COL8A1: variants seen among roughly 807,000 people sequenced by gnomAD.
COL8A1 encodes the protein collagen alpha-1(VIII) chain.
A neutral mutation model predicts 42.7 loss-of-function variants in COL8A1; 21 were observed. The ratio of observed to expected loss-of-function variants is 0.49; its 90% CI spans 0.35 to 0.71. The LOEUF is 0.71. COL8A1 is among the 30% of genes least tolerant of loss of function. COL8A1 has a pLI of 0.01. For synonymous variants in COL8A1, 367 were observed against 369.1 expected (o/e 0.99, Z 0.06); for missense variants, 788 against 962.4 (o/e 0.82, Z 2.40).
intron 2 of COL8A1, among the ~76,000 whole-genome samples, chr3:99,764,701 C>CTTTTTTT (rs10648559): frequency 4.0e-5 from 5 of 125,052 alleles, no homozygotes; most frequent in Non-Finnish European, 4.8e-5. Context: ...TCTTTTTTTT[C>CTTTTTTT]TTTTTTTTTT....
chr3:99,730,144 A>C (rs1940458619), intron 1 of COL8A1, among the ~76,000 whole-genome samples: 1 of 152,118 alleles, frequency 6.6e-6, no homozygotes, highest in African/African-American at 2.4e-5. Flanking sequence ...AAAGAATAGA[A>C]TCTTTATTTC....
chr3:99,758,862 C>G (rs1453420291), intron 2 of COL8A1, among the ~76,000 whole-genome samples: 11 of 152,034 alleles, frequency 7.2e-5, no homozygotes, highest in African/African-American at 2.7e-4. Context: ...TTAGTGAATT[C>G]AAAACAATTA....
chr3:99,671,992 CTTCA>C (rs1345852358), intron 1 of COL8A1, among the ~76,000 whole-genome samples: 1 of 152,046 alleles, frequency 6.6e-6, no homozygotes, highest in Non-Finnish European at 1.5e-5. Flanking sequence ...TGTTTGGAAA[CTTCA>C]TTCAATTTTA....
chr3:99,739,855 A>G (rs1940848890), intron 1 of COL8A1, among the ~76,000 whole-genome samples: 1 of 152,240 alleles, frequency 6.6e-6, no homozygotes, highest in Non-Finnish European at 1.5e-5. Flanking sequence ...AAATTTCTGC[A>G]GCAGGCTTGA....
At chr3:99,734,242 A>T (rs111997704) in intron 1 of COL8A1, among the ~76,000 whole-genome samples, 1 of 124,420 alleles carries the variant, frequency 8.0e-6, no homozygotes, top group Admixed American at 7.4e-5. Flanking sequence ...TGTCCTGAAT[A>T]GTATTGCCTA....
chr3:99,729,796 A>G (rs972412330), intron 1 of COL8A1, among the ~76,000 whole-genome samples: 7 of 152,056 alleles, frequency 4.6e-5, no homozygotes, highest in Non-Finnish European at 1.0e-4. Context: ...CATGATAAGA[A>G]GCATGAAACC....
intron 2 of COL8A1, among the ~76,000 whole-genome samples, chr3:99,779,945 G>A (rs1044792090): frequency 3.9e-5 from 6 of 152,128 alleles, no homozygotes; most frequent in Middle Eastern, 3.2e-3. Flanking sequence ...CCTAGTTTTC[G>A]AAACAGGTCT....
Position 99,652,876 on chromosome 3 carries a change from C to T in COL8A1, c.-129+14212C>T, listed in dbSNP as rs142092355. Among the ~76,000 whole-genome samples, 8 of 152,220 alleles carry T rather than the reference C, an allele frequency of 5.3e-5. No individual in the cohort carries two copies. The East Asian group carries it at 1.5e-3, about 29-fold the overall frequency. ...AATGCCCAAATGTGTGTAATTTATG[C>T]AGACAAAATAAAATACCTTAAATTA... On this transcript the variant is annotated intron_variant, in intron 1 of 3. Coordinates refer to ENST00000652472, the MANE Select transcript of COL8A1 (RefSeq NM_020351.4).
At chr3:99,763,415 T>C (rs1941400843) in intron 2 of COL8A1, among the ~76,000 whole-genome samples, 1 of 152,112 alleles carries the variant, frequency 6.6e-6, no homozygotes, top group Admixed American at 6.6e-5. Flanking sequence ...CCTGCCTGTC[T>C]AAACCTCTGA....
intron 1 of COL8A1, among the ~76,000 whole-genome samples, chr3:99,741,881 A>ACAAAGAATCTGG (rs1940909394): frequency 6.6e-6 from 1 of 152,230 alleles, no homozygotes; most frequent in Non-Finnish European, 1.5e-5. Flanking sequence ...CAGAGGAGAA[A>ACAAAGAATCTGG]CAAAGAATCT....
intron 1 of COL8A1, among the ~76,000 whole-genome samples, chr3:99,676,680 C>G (rs961723895): frequency 3.3e-5 from 5 of 151,906 alleles, no homozygotes; most frequent in African/African-American, 1.2e-4. Context: ...CACTGTTATT[C>G]AAATTATGCT....
chr3:99,730,516 A>G (rs1940472986), intron 1 of COL8A1, among the ~76,000 whole-genome samples: 1 of 152,184 alleles, frequency 6.6e-6, no homozygotes, highest in Non-Finnish European at 1.5e-5. Flanking sequence ...ATAGAGAAAC[A>G]GCTTGAACTC....
intron 1 of COL8A1, among the ~76,000 whole-genome samples, chr3:99,669,919 A>G (rs1938490345): frequency 1.3e-5 from 2 of 152,068 alleles, no homozygotes; most frequent in Admixed American, 1.3e-4. Flanking sequence ...AATTTTTACA[A>G]CTAGTTCTCT....
At chr3:99,727,530 G>T (rs1419036732) in intron 1 of COL8A1, among the ~76,000 whole-genome samples, 2 of 151,798 alleles carry the variant, frequency 1.3e-5, no homozygotes, top group Admixed American at 6.6e-5. Context: ...TCTACATATG[G>T]CTAGCCAGTT....
At chr3:99,747,577 G>A (rs1300552093) in intron 2 of COL8A1, among the ~76,000 whole-genome samples, 2 of 152,180 alleles carry the variant, frequency 1.3e-5, no homozygotes, top group Admixed American at 1.3e-4. Context: ...TAAATAGAGT[G>A]GGGAAACCAC....
intron 1 of COL8A1, among the ~76,000 whole-genome samples, chr3:99,722,836 A>G (rs79682459): frequency 0.038 from 5,787 of 152,204 alleles, 241 homozygotes; most frequent in South Asian, 0.13. Flanking sequence ...CAACATTCTT[A>G]TAGACTATTA....
intron 1 of COL8A1, among the ~76,000 whole-genome samples, chr3:99,674,994 A>G (rs1257373456): frequency 6.6e-6 from 1 of 152,104 alleles, no homozygotes; most frequent in Non-Finnish European, 1.5e-5. Context: ...ATGAGATTCA[A>G]TGACCTCTGC....
At chr3:99,759,487 T>A (rs889829492) in intron 2 of COL8A1, among the ~76,000 whole-genome samples, 3 of 152,134 alleles carry the variant, frequency 2.0e-5, no homozygotes, top group Non-Finnish European at 4.4e-5. Flanking sequence ...GAAAACTACA[T>A]AAGGGCTAAA....
intron 1 of COL8A1, among the ~76,000 whole-genome samples, chr3:99,666,482 A>G (rs1351282925): frequency 2.6e-5 from 4 of 152,192 alleles, no homozygotes; most frequent in Admixed American, 1.3e-4. Flanking sequence ...ACACTCAGAT[A>G]AAGTGGGACA....
Sources: allele counts gnomAD v4.1 joint callset (sites outside exome capture counted in the v4.1 genomes callset), GRCh38; gene constraint gnomAD v4.1.1; transcripts MANE v1.5; gene names NCBI Gene and HGNC (gene_info 2026-07-23, HGNC 2026-07-21).